The following SYT9 variants were observed in gnomAD, a reference collection of about 807,000 sequenced individuals.
SYT9 encodes the protein synaptotagmin 9.
Under a neutral mutation model 48.4 loss-of-function variants are expected in SYT9, and 22 were observed. The ratio of observed to expected loss-of-function variants is 0.45; its 90% CI spans 0.32 to 0.65. SYT9 has a LOEUF of 0.65. Ranked by LOEUF, SYT9 falls within the 30% of genes least tolerant of loss-of-function variation. The pLI is 0.03. For missense variants in SYT9, 577 were observed against 622.0 expected (o/e 0.93, Z 0.77); for synonymous variants, 265 against 245.0 (o/e 1.08, Z -0.76).
intron 6 of SYT9, among the ~76,000 whole-genome samples, chr11:7,456,235 CCTT>C (rs1394270694): frequency 2.0e-5 from 3 of 152,216 alleles, no homozygotes; most frequent in Non-Finnish European, 4.4e-5. Flanking sequence ...TTACTGCAGA[CCTT>C]TTACTAAACA....
At chr11:7,409,417 G>A (rs11500754) in intron 3 of SYT9, among the ~76,000 whole-genome samples, 3,600 of 152,018 alleles carry the variant, frequency 0.024, 136 homozygotes, top group African/African-American at 0.078. Context: ...TTCCACTTTC[G>A]TTTTCTGAAA....
intron 4 of SYT9, 117 bp downstream of exon 4, chr11:7,416,279 C>T: frequency 8.0e-7 from 1 of 1,248,448 alleles, no homozygotes. Flanking sequence ...CTAGGCTTAG[C>T]CCTAGTCCTA....
intron 3 of SYT9, among the ~76,000 whole-genome samples, chr11:7,376,049 A>G (rs776923549): frequency 3.3e-5 from 5 of 152,106 alleles, no homozygotes; most frequent in Non-Finnish European, 5.9e-5. Context: ...ACCATTTAAT[A>G]TACAATATAG....
At chr11:7,332,820 A>G (rs1338845709) in intron 3 of SYT9, among the ~76,000 whole-genome samples, 1 of 152,190 alleles carries the variant, frequency 6.6e-6, no homozygotes, top group Admixed American at 6.5e-5. Context: ...TCTTCTACAA[A>G]CCTGGAACAG....
Position 7,252,081 on chromosome 11 carries a change from C to G in SYT9, c.-106C>G, listed in dbSNP as rs1026056796. The G allele has an allele frequency of 5.8e-5, 73 of 1,258,738 alleles. No homozygotes were observed. The highest frequency in any genetic ancestry group is 7.4e-5 in the Non-Finnish European group (73 of 984,398). The allele number at this position is 1,258,738 out of a possible 1,614,324, so 78.0% of individuals were successfully genotyped here. ...GCTCGCACCGTTTCTCGGCAGGTCC[C>G]TGGCGGTGAGCGCGGACGGCCCGGA... On this transcript the variant is annotated 5_prime_UTR_variant, in exon 1 of 7. Coordinates refer to ENST00000318881, the MANE Select transcript of SYT9 (RefSeq NM_175733.4). This position sits in a 1 kb window ranked among gnomAD's most constrained non-coding sequence, Gnocchi z 6.3.
At chr11:7,361,898 A>C (rs1850143372) in intron 3 of SYT9, among the ~76,000 whole-genome samples, 2 of 152,120 alleles carry the variant, frequency 1.3e-5, no homozygotes, top group Non-Finnish European at 2.9e-5. Flanking sequence ...TTCCTATTCC[A>C]CCACTCTTGC....
intron 3 of SYT9, among the ~76,000 whole-genome samples, chr11:7,404,271 G>T (rs754852704): frequency 6.6e-6 from 1 of 152,002 alleles, no homozygotes; most frequent in African/African-American, 2.4e-5. Context: ...TTATTTAGAG[G>T]TTCAGACCAT....
intron 1 of SYT9, among the ~76,000 whole-genome samples, chr11:7,264,796 G>A (rs1386039511): frequency 6.6e-6 from 1 of 152,084 alleles, no homozygotes; most frequent in Non-Finnish European, 1.5e-5. Context: ...TTATCGACAT[G>A]GATATTGGCT....
At chr11:7,247,562 C>CATATACATATATATGTGT (rs1564834806), upstream of SYT9, among the ~76,000 whole-genome samples, 7 of 137,360 alleles carry the variant, frequency 5.1e-5, no homozygotes, top group African/African-American at 1.9e-4. Flanking sequence ...TGTATATACA[C>CATATACATATATATGTGT]ATATATACAC....
chr11:7,347,726 G>C (rs12791745), intron 3 of SYT9, among the ~76,000 whole-genome samples: 38,634 of 152,134 alleles, frequency 0.25, 5,335 homozygotes, highest in Non-Finnish European at 0.31. Context: ...TTTTGAGGGA[G>C]TGGGAAGCAG....
chr11:7,318,017 A>G (rs1290314013), intron 3 of SYT9, among the ~76,000 whole-genome samples: 1 of 152,202 alleles, frequency 6.6e-6, no homozygotes. Flanking sequence ...AAGTCTATTG[A>G]TTAATTCATG....
chr11:7,303,013 G>T, intron 1 of SYT9, 26 bp from the exon 2 acceptor site: 1 of 1,603,340 alleles, frequency 6.2e-7, no homozygotes, highest in South Asian at 1.1e-5. Flanking sequence ...TGACCACACT[G>T]ACCTTTGATC....
chr11:7,273,640 A>G (rs1160254221), intron 1 of SYT9, among the ~76,000 whole-genome samples: 1 of 152,178 alleles, frequency 6.6e-6, no homozygotes, highest in Non-Finnish European at 1.5e-5. Context: ...GAAGTGTATG[A>G]ATGAGGTTTT....
chr11:7,424,757 G>GT (rs1222218097), intron 6 of SYT9, among the ~76,000 whole-genome samples: 1 of 152,156 alleles, frequency 6.6e-6, no homozygotes, highest in Non-Finnish European at 1.5e-5. Flanking sequence ...TACTCAAGGC[G>GT]TGCCCCATTT....
chr11:7,364,198 C>G (rs1370430349), intron 3 of SYT9, among the ~76,000 whole-genome samples: 1 of 151,878 alleles, frequency 6.6e-6, no homozygotes, highest in Non-Finnish European at 1.5e-5. Flanking sequence ...CATAAAGATG[C>G]AAAAAAGAAT....
chr11:7,238,866 A>G, exon 1 of SYT9: 1 of 456,072 alleles, frequency 2.2e-6, no homozygotes, highest in South Asian at 1.5e-5. Flanking sequence ...TGCAGAGAAC[A>G]AATGCTGGCG....
chr11:7,355,146 C>T lies in SYT9; in HGVS notation c.1044+41205C>T, dbSNP rs779094941. Among the ~76,000 whole-genome samples, 59 of 152,356 alleles carry T rather than the reference C, an allele frequency of 3.9e-4. 1 individual carries two copies. The Middle Eastern group carries it at 0.02, about 53-fold the overall frequency. ...TCACACACTTCTACACCTGACTCCA[C>T]CAGAAATCTGAAAAAGGCAGAATGC... On this transcript the variant is annotated intron_variant, in intron 3 of 6. Coordinates refer to ENST00000318881, the MANE Select transcript of SYT9 (RefSeq NM_175733.4).
rs559451430 is a variant in SYT9 at position 7,379,407 on chromosome 11, G to A, written c.1045-36635G>A. On this transcript the variant is annotated intron_variant, in intron 3 of 6. Transcript: ENST00000318881. ...ATGTGTTCCTAGGATGCTGAATTAA[G>A]CATTATTATTCAACAGCCCTCATCA... Among the ~76,000 whole-genome samples the A allele has an allele frequency of 2.6e-5, 4 of 152,172 alleles. No homozygotes were observed. In the South Asian group the frequency reaches 8.3e-4, roughly 32 times the overall value.
intron 3 of SYT9, among the ~76,000 whole-genome samples, chr11:7,352,655 G>T (rs1230000495): frequency 1.3e-5 from 2 of 152,172 alleles, no homozygotes. Context: ...GTGAAGAATA[G>T]TACAAAATAA....
Sources: allele counts gnomAD v4.1 joint callset (sites outside exome capture counted in the v4.1 genomes callset), GRCh38; gene constraint gnomAD v4.1.1; non-coding constraint Gnocchi (gnomAD v3.1); transcripts MANE v1.5; gene names NCBI Gene and HGNC (gene_info 2026-07-23, HGNC 2026-07-21).